The following TNRC6B variants were observed in gnomAD, a reference collection of about 807,000 sequenced individuals.
TNRC6B encodes trinucleotide repeat-containing gene 6B protein.
TNRC6B carries 52 observed loss-of-function variants against 203.6 expected under a neutral mutation model. That is an observed-to-expected ratio of 0.26 (90% CI 0.20 to 0.32). The LOEUF (loss-of-function observed/expected upper bound fraction) is 0.32, where lower values mean the gene tolerates loss of function less well. TNRC6B is among the 10% of genes least tolerant of loss of function. The pLI is 1.00. For synonymous variants in TNRC6B, 838 were observed against 845.7 expected (o/e 0.99, Z 0.16); for missense variants, 1,923 against 2,286.2 (o/e 0.84, Z 3.24).
chr22:40,112,986 A>G (rs2068353311), intron 1 of TNRC6B, among the ~76,000 whole-genome samples: 1 of 152,182 alleles, frequency 6.6e-6, no homozygotes, highest in Non-Finnish European at 1.5e-5. Context: ...ACACACCTGT[A>G]ATCCCAGTTA....
chr22:40,248,300 G>GA (rs1456319363), intron 2 of TNRC6B, among the ~76,000 whole-genome samples: 1 of 152,184 alleles, frequency 6.6e-6, no homozygotes, highest in Non-Finnish European at 1.5e-5. Context: ...AAACCTCAGT[G>GA]AAAGTTTTCT....
rs576076006 is a variant in TNRC6B at position 40,304,192 on chromosome 22, G to A, written c.4120+2859G>A. Among the ~76,000 whole-genome samples, 21 of 152,294 alleles carry A rather than the reference G, an allele frequency of 1.4e-4. No homozygotes were observed. The South Asian group carries it at 3.9e-3, about 29-fold the overall frequency. Reference sequence around the variant, plus strand: ...AGAATAATTGAAAGTTTCTTAATATGTCTTGATAAAGCCTCTTTGTTACAT... The same window carrying A: ...AGAATAATTGAAAGTTTCTTAATATATCTTGATAAAGCCTCTTTGTTACAT... On this transcript the variant is annotated intron_variant, in intron 15 of 22. Coordinates refer to ENST00000454349, the MANE Select transcript of TNRC6B (RefSeq NM_001162501.2).
rs1224543186 is a variant in TNRC6B at position 40,270,564 on chromosome 22, C to T, written c.2965+284C>T. On this transcript the variant is annotated intron_variant, in intron 6 of 22. Transcript: ENST00000454349. ...TGAACTCCTGTCCTTGTGATCCACCCGCCTTGGCCTCCCAAAGTCCTGGGA... is the reference window on the plus strand; with the variant it reads ...TGAACTCCTGTCCTTGTGATCCACCTGCCTTGGCCTCCCAAAGTCCTGGGA... 5.3e-5 allele frequency among the ~76,000 whole-genome samples: 8 copies of T among 152,128 alleles called. No individual in the cohort carries two copies. The East Asian group carries it at 1.5e-3, about 29-fold the overall frequency.
In TNRC6B at chr22:40,186,506, G is replaced by A. The variant is rs181997901; in HGVS notation, c.5+8366G>A. 2.0e-3 allele frequency among the ~76,000 whole-genome samples: 307 copies of A among 152,028 alleles called. 1 individual carries two copies. The highest frequency in any genetic ancestry group is 7.2e-3 in the African/African-American group (297 of 41,464). On this transcript the variant is annotated intron_variant, in intron 1 of 22. Transcript: ENST00000454349. ...TGTAATCCCAGCACTTTGGGAGGCC[G>A]AGGTGAGCGGATCACAAGGTCAGGA...
chr22:40,154,840 C>CAAAAA (rs57206167), intron 3 of TNRC6B, among the ~76,000 whole-genome samples: 4 of 29,238 alleles, frequency 1.4e-4, no homozygotes, highest in Non-Finnish European at 1.7e-4. Context: ...GACTCTATCT[C>CAAAAA]AAAAAAAAAA....
At chr22:40,065,683 T>A (rs566408003) in intron 1 of TNRC6B, among the ~76,000 whole-genome samples, 1 of 152,172 alleles carries the variant, frequency 6.6e-6, no homozygotes, top group Non-Finnish European at 1.5e-5. Context: ...TAAATATTAT[T>A]GAGCTTTGTT....
At chr22:40,289,571 G>A (rs2070841009) in intron 12 of TNRC6B, among the ~76,000 whole-genome samples, 1 of 152,030 alleles carries the variant, frequency 6.6e-6, no homozygotes, top group Admixed American at 6.6e-5. Context: ...TTTGGCTTTT[G>A]GACACCTACT....
intron 13 of TNRC6B, 21 bp from the exon 14 acceptor site, chr22:40,300,889 T>G: frequency 5.0e-6 from 8 of 1,609,926 alleles, no homozygotes; most frequent in Non-Finnish European, 6.8e-6. Flanking sequence ...TGGTTTTCTG[T>G]CTTTCCCCCT....
intron 7 of TNRC6B, among the ~76,000 whole-genome samples, chr22:40,274,422 C>CTTTTTTTTTTTTTTTTTTTTTTTT (rs374621260): frequency 7.8e-5 from 11 of 140,682 alleles, no homozygotes; most frequent in African/African-American, 2.9e-4. Flanking sequence ...AATGATATCT[C>CTTTTTTTTTTTTTTTTTTTTTTTT]TTTTTTTTTT....
intron 1 of TNRC6B, among the ~76,000 whole-genome samples, chr22:40,049,861 C>T (rs2067730750): frequency 6.6e-6 from 1 of 152,156 alleles, no homozygotes; most frequent in Non-Finnish European, 1.5e-5. Context: ...ACCTCAGCCT[C>T]CCAAAGTGCT....
Position 40,281,135 on chromosome 22 carries a change from C to T in TNRC6B, c.3428C>T (p.Ser1143Phe). The change falls in exon 11 of 23, where the codon TCC becomes TTC. Residue 1143 changes from serine to phenylalanine, a missense_variant. Coordinates refer to ENST00000454349, the MANE Select transcript of TNRC6B (RefSeq NM_001162501.2). ...PYFEKLTLPF[S>F]NQDGCLGDEA... ...ACTTTTCAGCTGACTTTGCCTTTCT[C>T]CAATCAAGATGGGTGCCTTGGGGAT... 1.9e-6 allele frequency: 3 copies of T among 1,549,760 alleles called. No homozygotes were observed. The highest frequency in any genetic ancestry group is 2.6e-6 in the Non-Finnish European group (3 of 1,146,150).
chr22:40,238,411 T>C (rs1042101030), intron 1 of TNRC6B, among the ~76,000 whole-genome samples: 4 of 152,150 alleles, frequency 2.6e-5, no homozygotes, highest in Non-Finnish European at 5.9e-5. Context: ...CCTTATTCAA[T>C]TACCAGAAAA....
chr22:40,319,704 G>A (rs1395226852), intron 21 of TNRC6B, among the ~76,000 whole-genome samples: 2 of 152,102 alleles, frequency 1.3e-5, no homozygotes, highest in Non-Finnish European at 1.5e-5. Flanking sequence ...GATTACAGGC[G>A]TGAGCCACCG....
chr22:40,265,323 G>T lies in TNRC6B; in HGVS notation c.1093G>T (p.Ala365Ser). The T allele has an allele frequency of 6.2e-7, 1 of 1,613,984 alleles. No individual in the cohort carries two copies. The highest frequency in any genetic ancestry group is 8.5e-7 in the Non-Finnish European group (1 of 1,179,894). ...TTTTGTTGTCTCTGGCAGAGAACAGGCTCAAATTCATAACACTGATGGACC... is the reference window on the plus strand; with the variant it reads ...TTTTGTTGTCTCTGGCAGAGAACAGTCTCAAATTCATAACACTGATGGACC... ...VNFVVSGREQ[A>S]QIHNTDGPKN... Residue 365 changes from alanine (A) to serine (S), a missense_variant, in exon 5 of 23, where the codon GCT (alanine) becomes TCT (serine). Around this residue, in one of 8 missense-constraint regions of TNRC6B, gnomAD observed 614 missense variants for 587.7 expected, o/e 1.04. Coordinates refer to ENST00000454349, the MANE Select transcript of TNRC6B (RefSeq NM_001162501.2).
intron 1 of TNRC6B, among the ~76,000 whole-genome samples, chr22:40,110,546 A>G (rs2146312567): frequency 6.6e-6 from 1 of 152,324 alleles, no homozygotes; most frequent in South Asian, 2.1e-4. Context: ...CTTTTCTGTT[A>G]AAGAATTGAC....
chr22:40,083,806 C>G (rs957978689), intron 1 of TNRC6B, among the ~76,000 whole-genome samples: 1 of 151,950 alleles, frequency 6.6e-6, no homozygotes, highest in Non-Finnish European at 1.5e-5. Flanking sequence ...TACAACTGGT[C>G]GTGAGATAGC....
chr22:40,203,069 T>C (rs2069434782), intron 1 of TNRC6B, among the ~76,000 whole-genome samples: 1 of 152,108 alleles, frequency 6.6e-6, no homozygotes, highest in South Asian at 2.1e-4. Context: ...AGTAGCAGGT[T>C]TCAAAAAATG....
intron 1 of TNRC6B, among the ~76,000 whole-genome samples, chr22:40,060,200 C>CTT (rs112050371): frequency 7.6e-6 from 1 of 132,158 alleles, no homozygotes; most frequent in Non-Finnish European, 1.7e-5. Flanking sequence ...ATGCACATGA[C>CTT]TTTTTTTTTT....
intron 1 of TNRC6B, among the ~76,000 whole-genome samples, chr22:40,182,846 C>T (rs761854637): frequency 1.3e-5 from 2 of 152,220 alleles, no homozygotes; most frequent in South Asian, 2.1e-4. Flanking sequence ...GCTCTGTGCA[C>T]TATCTCTTCA....
Sources: allele counts gnomAD v4.1 joint callset (sites outside exome capture counted in the v4.1 genomes callset), GRCh38; gene constraint gnomAD v4.1.1; regional missense constraint gnomAD v4.1.1; transcripts MANE v1.5; gene names NCBI Gene and HGNC (gene_info 2026-07-23, HGNC 2026-07-21).